CAPN14: variants seen among roughly 807,000 people sequenced by gnomAD.
The protein encoded by CAPN14 is calpain-14.
CAPN14 carries 94 observed loss-of-function variants against 101.3 expected under a neutral mutation model. The ratio of observed to expected loss-of-function variants is 0.93; its 90% CI spans 0.79 to 1.10. The LOEUF (loss-of-function observed/expected upper bound fraction) is 1.10, where lower values mean the gene tolerates loss of function less well. Ranked by LOEUF, CAPN14 falls within the 50% of genes least tolerant of loss-of-function variation. The pLI is 0.00. For missense variants in CAPN14, 837 were observed against 828.4 expected (o/e 1.01, Z -0.13); for synonymous variants, 338 against 317.9 (o/e 1.06, Z -0.67).
chr2:31,212,307 C>T (rs1404954673), intron 1 of CAPN14, among the ~76,000 whole-genome samples: 1 of 57,652 alleles, frequency 1.7e-5, no homozygotes, highest in East Asian at 4.8e-4. Flanking sequence ...AAGACCGTCT[C>T]AAAACAAAAA....
rs1683159588 is a variant in CAPN14 at position 31,230,576 on chromosome 2, T to C, written c.-177+3215A>G. On this transcript the variant is annotated intron_variant and NMD_transcript_variant, in intron 1 of 21. Coordinates refer to the CAPN14 transcript ENST00000398824. This position sits in a 1 kb window ranked among gnomAD's most constrained non-coding sequence, Gnocchi z 4.3. ...GGTGGGTATGGAGTGTTAGTGTGGTTTGGCATTTCTCTAATTACTAATGAG... is the reference window on the plus strand; with the variant it reads ...GGTGGGTATGGAGTGTTAGTGTGGTCTGGCATTTCTCTAATTACTAATGAG... Among the ~76,000 whole-genome samples the C allele has an allele frequency of 2.0e-5, 3 of 152,254 alleles. No homozygotes were observed. The highest frequency in any genetic ancestry group is 6.5e-5 in the Admixed American group (1 of 15,286).
intron 8 of CAPN14, among the ~76,000 whole-genome samples, chr2:31,194,941 C>G (rs1461310019): frequency 4.6e-5 from 7 of 152,182 alleles, no homozygotes; most frequent in Non-Finnish European, 1.0e-4. Context: ...AGATATTGGA[C>G]AGCAGGCAAC....
At chr2:31,200,731 C>T (rs1479369501) in intron 5 of CAPN14, 106 bp from the exon 6 acceptor site, 3 of 1,122,612 alleles carry the variant, frequency 2.7e-6, no homozygotes, top group Non-Finnish European at 3.7e-6. Context: ...TTTTCTCATA[C>T]CAAAAGCAGA....
intron 16 of CAPN14, among the ~76,000 whole-genome samples, chr2:31,185,386 C>T (rs1277145707): frequency 6.6e-6 from 1 of 152,214 alleles, no homozygotes; most frequent in Non-Finnish European, 1.5e-5. Flanking sequence ...ATGGGAGACT[C>T]ACCAAACATT....
At chr2:31,181,522 TTTTTA>T in intron 16 of CAPN14, among the ~76,000 whole-genome samples, 2 of 127,106 alleles carry the variant, frequency 1.6e-5, no homozygotes, top group Non-Finnish European at 1.6e-5. Flanking sequence ...TTTTTTTATT[TTTTTA>T]TTTTATTATT....
In CAPN14 at chr2:31,174,069, G is replaced by A. The variant is rs1680181037; in HGVS notation, c.*612C>T. 1 of 153,024 alleles carries A rather than the reference G, an allele frequency of 6.5e-6. No homozygotes were observed. The highest frequency in any genetic ancestry group is 1.5e-5 in the Non-Finnish European group (1 of 68,718). The allele number at this position is 153,024 out of a possible 1,614,324, so 9.5% of individuals were successfully genotyped here. On this transcript the variant is annotated 3_prime_UTR_variant, in exon 22 of 22. Coordinates refer to ENST00000403897, the MANE Select transcript of CAPN14 (RefSeq NM_001145122.2). ...ATCCAATCATACGGAGATATTGTCA[G>A]AAGAAGACTACCCCATGACCTCAGA...
chr2:31,216,788 T>C (rs565844067), intron 1 of CAPN14, among the ~76,000 whole-genome samples: 22 of 152,190 alleles, frequency 1.4e-4, no homozygotes, highest in Admixed American at 4.6e-4. Flanking sequence ...CCAGTGCCCA[T>C]AGGCCAGCAG....
chr2:31,227,479 C>T (rs1395879269), intron 1 of CAPN14, among the ~76,000 whole-genome samples: 1 of 152,204 alleles, frequency 6.6e-6, no homozygotes, highest in Non-Finnish European at 1.5e-5. Flanking sequence ...CTAGACTTCC[C>T]TTTCCTTGTG....
chr2:31,205,082 G>T, intron 2 of CAPN14, 141 bp downstream of exon 2: 2 of 691,338 alleles, frequency 2.9e-6, no homozygotes, highest in Non-Finnish European at 5.0e-6. Context: ...TACACATCTG[G>T]TGTTAGAAGA....
intron 5 of CAPN14, among the ~76,000 whole-genome samples, chr2:31,201,514 T>C (rs1335874738): frequency 1.3e-5 from 2 of 152,142 alleles, no homozygotes; most frequent in African/African-American, 4.8e-5. Flanking sequence ...AAGAGGCATT[T>C]AAACTGTAGA....
rs763717003 is a variant in CAPN14, at chr2:31,176,657, C to G, written c.1973-15G>C. On this transcript the variant is annotated splice_polypyrimidine_tract_variant and intron_variant, in intron 20 of 21. Coordinates refer to ENST00000403897, the MANE Select transcript of CAPN14 (RefSeq NM_001145122.2). ...TTGGAAGACATCTGTGAAAATGCAG[C>G]AGAAAGGAATACAGCTAATGTGTCT... 1.5e-5 allele frequency: 23 copies of G among 1,548,594 alleles called. 2 individuals carry two copies. The Middle Eastern group carries it at 6.7e-4, about 45-fold the overall frequency.
At chr2:31,183,424 C>A (rs909968645) in intron 16 of CAPN14, among the ~76,000 whole-genome samples, 1 of 152,034 alleles carries the variant, frequency 6.6e-6, no homozygotes, top group African/African-American at 2.4e-5. Flanking sequence ...AGAAAATTTT[C>A]GCAACCTACT....
intron 10 of CAPN14, 54 bp from the exon 11 acceptor site, chr2:31,192,152 C>A: frequency 6.7e-7 from 1 of 1,482,786 alleles, no homozygotes; most frequent in Non-Finnish European, 9.0e-7. Context: ...ATGCATCCTG[C>A]TTGCCGAACC....
Position 31,173,305 on chromosome 2 carries a change from G to A in CAPN14, c.*1376C>T, listed in dbSNP as rs1208100855. The A allele has an allele frequency of 3.3e-5, 5 of 152,056 alleles. No individual in the cohort carries two copies. Among genetic ancestry groups the A allele is most frequent in the African/African-American group, 4.8e-5 (2 of 41,378 alleles). The allele number at this position is 152,056 out of a possible 1,614,324, so 9.4% of individuals were successfully genotyped here. ...AATACTTTCCTACCCCATAAGCTAC[G>A]CTTTCAAAGTGCTCCTTTCTTCTGG... On this transcript the variant is annotated 3_prime_UTR_variant, in exon 22 of 22. Transcript: ENST00000403897.
intron 10 of CAPN14, 147 bp from the exon 11 acceptor site, chr2:31,192,245 C>T (rs1396516926): frequency 2.1e-6 from 2 of 945,342 alleles, no homozygotes; most frequent in East Asian, 2.8e-5. Flanking sequence ...GTCCCTTCAA[C>T]CTTGGATTTA....
intron 2 of CAPN14, 45 bp from the exon 3 acceptor site, chr2:31,203,184 A>C: frequency 6.7e-7 from 1 of 1,494,334 alleles, no homozygotes. Flanking sequence ...AGAACAAAAA[A>C]GCTCCTGGAG....
At chr2:31,229,128 G>A (rs10165739) in intron 1 of CAPN14, among the ~76,000 whole-genome samples, 2,336 of 152,218 alleles carry the variant, frequency 0.015, 28 homozygotes, top group South Asian at 0.065. Context: ...GTGTATAACC[G>A]TAATTAAAAA....
chr2:31,222,627 AT>A (rs1197920566), intron 2 of CAPN14, among the ~76,000 whole-genome samples: 1 of 152,170 alleles, frequency 6.6e-6, no homozygotes, highest in Non-Finnish European at 1.5e-5. Context: ...CACTCAATAC[AT>A]TTTTTGAAAA....
chr2:31,200,221 T>C (rs1572416551), intron 6 of CAPN14, among the ~76,000 whole-genome samples: 1 of 152,250 alleles, frequency 6.6e-6, no homozygotes. Flanking sequence ...GCCAGGCTGA[T>C]CTCGAACTCC....
Sources: gnomAD v4.1 joint callset for allele counts (sites outside exome capture counted in the v4.1 genomes callset) on GRCh38, gnomAD v4.1.1 for gene constraint, Gnocchi (gnomAD v3.1) non-coding constraint, MANE v1.5 for transcripts, NCBI Gene and HGNC (gene_info 2026-07-23, HGNC 2026-07-21) for gene names.